Variants in TPP2 observed in about 807,000 individuals in gnomAD.
TPP2 encodes tripeptidyl-peptidase 2.
In TPP2, 34 loss-of-function variants were observed where a neutral mutation model predicts 155.9. That is an observed-to-expected ratio of 0.22 (90% CI 0.17 to 0.29). The LOEUF is 0.29. Among genes scored for constraint, TPP2 ranks in the 10% least tolerant of loss-of-function variants. The pLI, the probability that TPP2 is intolerant of heterozygous loss-of-function variation, is 1.00. For synonymous variants in TPP2, 510 were observed against 529.4 expected, an observed-to-expected ratio of 0.96 and a Z score of 0.50; for missense variants, 1,028 against 1,522.3, an observed-to-expected ratio of 0.68 and a Z score of 5.40.
chr13:102,657,960 T>C (rs1883967057), intron 25 of TPP2, among the ~76,000 whole-genome samples: 1 of 152,206 alleles, frequency 6.6e-6, no homozygotes, highest in African/African-American at 2.4e-5. Context: ...TTAGATGTTA[T>C]CATTCGTTAT....
rs1005820752 is a variant in TPP2, at chr13:102,618,908, C to G, written c.620+62C>G. Reference sequence around the variant, plus strand: ...ATGTTTTCTTTTCTACTCTGAAAAACATTAAATGCTCAGAGCTGCACAGAA... The same window carrying G: ...ATGTTTTCTTTTCTACTCTGAAAAAGATTAAATGCTCAGAGCTGCACAGAA... On this transcript the variant is annotated intron_variant, in intron 5 of 29. Coordinates refer to ENST00000376052, the MANE Select transcript of TPP2 (RefSeq NM_001330588.2). The G allele has an allele frequency of 5.8e-6, 9 of 1,550,118 alleles. No individual in the cohort carries two copies. In the Admixed American group the frequency reaches 1.9e-4, roughly 32 times the overall value.
chr13:102,611,783 GA>G (rs1263590341), intron 2 of TPP2, among the ~76,000 whole-genome samples: 1 of 152,182 alleles, frequency 6.6e-6, no homozygotes, highest in Non-Finnish European at 1.5e-5. Flanking sequence ...GTTTGTTCTA[GA>G]ATTCACCTGG....
intron 27 of TPP2, among the ~76,000 whole-genome samples, chr13:102,673,947 T>C (rs1436314176): frequency 1.3e-5 from 2 of 152,206 alleles, no homozygotes; most frequent in Non-Finnish European, 2.9e-5. Context: ...ATAAGAAAAC[T>C]GAAAACTCAA....
chr13:102,639,068 C>G (rs1437966354), intron 15 of TPP2, among the ~76,000 whole-genome samples: 1 of 152,210 alleles, frequency 6.6e-6, no homozygotes, highest in Non-Finnish European at 1.5e-5. Context: ...CTGGTCATCC[C>G]TGGGTGAAGG....
At chr13:102,625,801 T>C (rs1182499521) in intron 6 of TPP2, among the ~76,000 whole-genome samples, 2 of 152,228 alleles carry the variant, frequency 1.3e-5, no homozygotes, top group Non-Finnish European at 2.9e-5. Flanking sequence ...CTACTTCTCC[T>C]GGAGCTCCAA....
intron 6 of TPP2, 124 bp from the exon 7 acceptor site, chr13:102,626,888 T>C: frequency 6.0e-6 from 6 of 996,922 alleles, no homozygotes; most frequent in South Asian, 7.7e-5. Flanking sequence ...GTTTTTGCTC[T>C]CCATGAACAG....
chr13:102,629,330 A>G, intron 8 of TPP2, 152 bp from the exon 9 acceptor site: 2 of 807,316 alleles, frequency 2.5e-6, no homozygotes, highest in Non-Finnish European at 3.4e-6. Flanking sequence ...AAGCCCAAGT[A>G]GGGTATATCA....
chr13:102,647,081 A>AT (rs1239630113), intron 20 of TPP2, 126 bp from the exon 21 acceptor site: 24 of 1,246,638 alleles, frequency 1.9e-5, no homozygotes, highest in Non-Finnish European at 2.5e-5. Context: ...TATTTTCAAA[A>AT]TTTTTTACCA....
chr13:102,641,694 G>T (rs949937481), intron 16 of TPP2, among the ~76,000 whole-genome samples: 2 of 152,010 alleles, frequency 1.3e-5, no homozygotes, highest in Non-Finnish European at 2.9e-5. Context: ...TTGTAATTAG[G>T]TAAAGGCAAA....
At chr13:102,625,204 G>A (rs867002766) in intron 6 of TPP2, among the ~76,000 whole-genome samples, 77 of 115,920 alleles carry the variant, frequency 6.6e-4, no homozygotes, top group African/African-American at 2.5e-3. Context: ...TCGCTCTGTC[G>A]CCCAGGCTGG....
At chr13:102,665,620 C>T (rs1406037370) in intron 27 of TPP2, among the ~76,000 whole-genome samples, 1 of 152,160 alleles carries the variant, frequency 6.6e-6, no homozygotes, top group Non-Finnish European at 1.5e-5. Context: ...CTTCCATGAA[C>T]TCTTAAACCA....
intron 4 of TPP2, among the ~76,000 whole-genome samples, chr13:102,617,474 G>A (rs978212477): frequency 1.3e-5 from 2 of 152,150 alleles, no homozygotes; most frequent in African/African-American, 4.8e-5. Context: ...ATTAGAAACA[G>A]CATCGATGTT....
At chr13:102,661,942 A>C (rs1463919484) in intron 25 of TPP2, among the ~76,000 whole-genome samples, 2 of 152,242 alleles carry the variant, frequency 1.3e-5, no homozygotes, top group Admixed American at 1.3e-4. Context: ...CAAGAAAAAT[A>C]AAAACCTATA....
rs200365893 is a variant in TPP2, at chr13:102,604,706, TAC to T, written c.166-79_166-78del. On this transcript the variant is annotated intron_variant, in intron 1 of 29. Transcript: ENST00000376052. ...TTTAAGTGAATGTAGATTTTGTATA[TAC>T]ACACACATATATATGTGGATTTGCA... 4.3e-6 allele frequency: 6 copies of T among 1,401,606 alleles called. No homozygotes were observed. In the East Asian group the frequency reaches 7.2e-5, roughly 17 times the overall value. The allele number at this position is 1,401,606 out of a possible 1,614,324, so 86.8% of individuals were successfully genotyped here.
chr13:102,674,617 A>G lies in TPP2; in HGVS notation c.3579+127A>G. ...GAATCTACGCTGGGCTCTGAATATG[A>G]CATGTTTAGCCTAGTACTTCATGTT... is the stretch of plus-strand genomic sequence containing the variant. On this transcript the variant is annotated intron_variant, in intron 28 of 29. Coordinates refer to ENST00000376052, the MANE Select transcript of TPP2 (RefSeq NM_001330588.2). 2.2e-6 allele frequency: 2 copies of G among 915,590 alleles called. 1 individual carries two copies. The highest frequency in any genetic ancestry group is 3.5e-5 in the South Asian group (2 of 57,610). 56.7% of individuals were successfully genotyped at this position (915,590 alleles called of 1,614,324 possible).
intron 2 of TPP2, among the ~76,000 whole-genome samples, chr13:102,613,670 A>C (rs1307931467): frequency 2.0e-5 from 3 of 152,152 alleles, no homozygotes; most frequent in Non-Finnish European, 4.4e-5. Context: ...CCAGTTTTCA[A>C]CTTTCCTCTT....
At chr13:102,621,730 T>C (rs748594755) in intron 5 of TPP2, among the ~76,000 whole-genome samples, 1 of 152,142 alleles carries the variant, frequency 6.6e-6, no homozygotes, top group Non-Finnish European at 1.5e-5. Context: ...ACAGTGGAAA[T>C]AGGCGGACAC....
intron 27 of TPP2, among the ~76,000 whole-genome samples, chr13:102,670,963 GTAAAA>G (rs2139611286): frequency 1.3e-5 from 2 of 152,316 alleles, no homozygotes; most frequent in East Asian, 3.9e-4. Context: ...GGAGCTGCTA[GTAAAA>G]TATCATCCAT....
At chr13:102,617,743 G>A (rs1018598164) in intron 4 of TPP2, among the ~76,000 whole-genome samples, 2 of 152,130 alleles carry the variant, frequency 1.3e-5, no homozygotes, top group South Asian at 2.1e-4. Flanking sequence ...GATCAAAGAC[G>A]ACTACCTTTT....
Sources: gnomAD v4.1 joint callset for allele counts (sites outside exome capture counted in the v4.1 genomes callset) on GRCh38, gnomAD v4.1.1 for gene constraint, MANE v1.5 for transcripts, NCBI Gene and HGNC (gene_info 2026-07-23, HGNC 2026-07-21) for gene names.